Variants in EGLN2 observed in about 807,000 individuals in gnomAD.
The protein encoded by EGLN2 is egl-9 family hypoxia inducible factor 2.
A neutral mutation model predicts 38.2 loss-of-function variants in EGLN2; 15 were observed. The observed-to-expected ratio is 0.39, with a 90% confidence interval of 0.26 to 0.60. The LOEUF (loss-of-function observed/expected upper bound fraction) is 0.60. Ranked by LOEUF, EGLN2 falls within the 20% of genes least tolerant of loss-of-function variation. The pLI is 0.50. For missense variants in EGLN2, 492 were observed against 570.4 expected, an observed-to-expected ratio of 0.86 and a Z score of 1.40; for synonymous variants, 284 against 237.4, an observed-to-expected ratio of 1.20 and a Z score of -1.81.
intron 1 of EGLN2, chr19:40,800,006 ACTC>A (rs1206261726): frequency 1.7e-5 from 2 of 119,996 alleles, no homozygotes; most frequent in African/African-American, 3.3e-5. Context: ...CTCCTTTCCC[ACTC>A]CTCCACACCA....
chr19:40,806,199 C>T (rs2083299638), intron 2 of EGLN2: 1 of 247,784 alleles, frequency 4.0e-6, no homozygotes, highest in Admixed American at 4.6e-5. Flanking sequence ...TCCTTGCACA[C>T]CTGAAAATGT....
rs1344509842 is a variant in EGLN2, at chr19:40,806,646, A to G, written c.935A>G (p.Tyr312Cys). The G allele has an allele frequency of 3.1e-6, 5 of 1,613,702 alleles. No individual in the cohort carries two copies. The highest frequency in any genetic ancestry group is 4.2e-6 in the Non-Finnish European group (5 of 1,179,848). Residue 312 changes from tyrosine (Y) to cysteine (C), a missense_variant, in exon 3 of 6, where the codon TAT becomes TGT. Physicochemically the swap from Tyr to Cys is radical, Grantham distance 194. Transcript: ENST00000303961. ...HGDGRCITCI[Y>C]YLNQNWDVKV... ...GATGGGCGCTGCATCACCTGTATCTATTACCTGAATCAGAACTGGGACGTT... is the reference window on the plus strand; with the variant it reads ...GATGGGCGCTGCATCACCTGTATCTGTTACCTGAATCAGAACTGGGACGTT...
Position 40,800,927 on chromosome 19 carries a change from C to A in EGLN2, c.355C>A (p.Arg119=), listed in dbSNP as rs1014513026. 6.2e-7 allele frequency: 1 copy of A among 1,609,582 alleles called. No homozygotes were observed. Among genetic ancestry groups the A allele is most frequent in the African/African-American group, 1.3e-5 (1 of 74,894 alleles). ...GGGCGCACGGCCTGAGGCCCCCAAACGGAAATGGGCCGAGGATGGTGGGGA... is the reference window on the plus strand; with the variant it reads ...GGGCGCACGGCCTGAGGCCCCCAAAAGGAAATGGGCCGAGGATGGTGGGGA... ...AQGARPEAPK[R]KWAEDGGDAP... The change falls in exon 2 of 6, where the codon CGG becomes AGG. Residue 119 remains arginine, a synonymous_variant. Coordinates refer to ENST00000303961, the MANE Select transcript of EGLN2 (RefSeq NM_080732.4).
intron 2 of EGLN2, chr19:40,805,724 C>G (rs932979279): frequency 2.6e-5 from 4 of 152,228 alleles, no homozygotes; most frequent in African/African-American, 9.6e-5. Context: ...GAGGAAAGAA[C>G]CCTGTAGACA....
At position 40,801,376 on chromosome 19, in the gene EGLN2, A is replaced by C; in HGVS notation, c.804A>C (p.Ala268=). 6.2e-7 allele frequency: 1 copy of C among 1,609,552 alleles called. No individual in the cohort carries two copies. The highest frequency in any genetic ancestry group is 8.5e-7 in the Non-Finnish European group (1 of 1,179,614). The stretch of plus-strand genomic sequence containing the variant: ...TGGACGCCGTCATCCGCCACTGCGC[A>C]GGGCGGCTGGGCAGCTATGTCATCA... ...AHVDAVIRHC[A]GRLGSYVING... is the part of the protein sequence containing the mutation. The change falls in exon 2 of 6, where the codon GCA becomes GCC. Residue 268 remains alanine (A), a synonymous_variant. Transcript: ENST00000303961.
chr19:40,806,517 C>T (rs756915825), intron 2 of EGLN2, 38 bp from the exon 3 acceptor site: 36 of 1,612,468 alleles, frequency 2.2e-5, no homozygotes, highest in Non-Finnish European at 2.6e-5. Context: ...ATGTGCCTGC[C>T]TAGCCCCAGT....
intron 1 of EGLN2, 134 bp downstream of exon 1, chr19:40,799,396 C>T: frequency 8.9e-6 from 1 of 112,728 alleles, no homozygotes; most frequent in Non-Finnish European, 1.8e-5. Flanking sequence ...GATGTGGGTG[C>T]GGCGCGGGGG....
chr19:40,807,652 C>G (rs1225994235), intron 5 of EGLN2, 101 bp downstream of exon 5: 1 of 1,456,870 alleles, frequency 6.9e-7, no homozygotes, highest in South Asian at 1.2e-5. Flanking sequence ...TCCCACCACT[C>G]ATTTTTCTTC....
chr19:40,806,482 G>C, intron 2 of EGLN2, 73 bp from the exon 3 acceptor site: 1 of 1,594,624 alleles, frequency 6.3e-7, no homozygotes, highest in South Asian at 1.1e-5. Context: ...TGGGAAAATA[G>C]GTAATTCATG....
intron 2 of EGLN2, 160 bp from the exon 3 acceptor site, chr19:40,806,395 G>C: frequency 7.2e-7 from 1 of 1,390,046 alleles, no homozygotes; most frequent in Admixed American, 2.7e-5. Context: ...GATTTTGGCT[G>C]AAAAAGAAAG....
Position 40,800,275 on chromosome 19 carries a change from G to A in EGLN2, c.-234-64G>A, listed in dbSNP as rs140613917. 290 of 377,772 alleles carry A rather than the reference G, an allele frequency of 7.7e-4. 1 individual carries two copies. Among genetic ancestry groups the A allele is most frequent in the African/African-American group, 5.5e-3 (272 of 49,542 alleles). The allele number at this position is 377,772 out of a possible 1,614,324, so 23.4% of individuals were successfully genotyped here. On this transcript the variant is annotated intron_variant, in intron 1 of 5. Coordinates refer to ENST00000303961, the MANE Select transcript of EGLN2 (RefSeq NM_080732.4). The stretch of plus-strand genomic sequence containing the variant: ...TCCCCACTCCTGCCCATACCATCCC[G>A]GCTTTCCCCTGCCTGCCTGTCTCTA...
rs2083245254 is a variant in EGLN2, at chr19:40,800,343, C to T, written c.-230C>T. 1.8e-6 allele frequency: 1 copy of T among 552,900 alleles called. No homozygotes were observed. The highest frequency in any genetic ancestry group is 3.1e-6 in the Non-Finnish European group (1 of 322,802). The allele number at this position is 552,900 out of a possible 1,614,324, so 34.2% of individuals were successfully genotyped here. Reference sequence around the variant, plus strand: ...TTTTTTTTTTCCTTTCTCTAGCCACCCTGAAGGGTCCCTTCCCAAGCCCTT... The same window carrying T: ...TTTTTTTTTTCCTTTCTCTAGCCACTCTGAAGGGTCCCTTCCCAAGCCCTT... On this transcript the variant is annotated 5_prime_UTR_variant, in exon 2 of 6. Transcript: ENST00000303961.
intron 3 of EGLN2, 154 bp downstream of exon 3, chr19:40,806,828 C>A (rs983352749): frequency 8.8e-7 from 1 of 1,132,042 alleles, no homozygotes. Context: ...GCCGGCTCTT[C>A]CTGGGAAATG....
At chr19:40,801,651 CTTTTTTTTTT>C (rs58809253) in intron 2 of EGLN2, among the ~76,000 whole-genome samples, 8 of 102,716 alleles carry the variant, frequency 7.8e-5, no homozygotes, top group East Asian at 6.4e-4. Flanking sequence ...CACAGTGGTT[CTTTTTTTTTT>C]TTTTTTTTTT....
intron 4 of EGLN2, 44 bp downstream of exon 4, chr19:40,807,318 T>C (rs780189530): frequency 2.5e-6 from 4 of 1,613,170 alleles, no homozygotes; most frequent in Middle Eastern, 3.3e-4. Flanking sequence ...GCTCCCCCTG[T>C]GACAATGTCC....
rs1357003498 is a variant in EGLN2, at chr19:40,801,367, C to T, written c.795C>T (p.Arg265=). 1.2e-6 allele frequency: 2 copies of T among 1,610,806 alleles called. No individual in the cohort carries two copies. Among genetic ancestry groups the T allele is most frequent in the Non-Finnish European group, 8.5e-7 (1 of 1,179,986 alleles). ...ALMAHVDAVI[R]HCAGRLGSYV... Reference sequence around the variant, plus strand: ...TGGCCCATGTGGACGCCGTCATCCGCCACTGCGCAGGGCGGCTGGGCAGCT... The same window carrying T: ...TGGCCCATGTGGACGCCGTCATCCGTCACTGCGCAGGGCGGCTGGGCAGCT... The change falls in exon 2 of 6, where the codon CGC becomes CGT. Residue 265 remains arginine, a synonymous_variant. Coordinates refer to ENST00000303961, the MANE Select transcript of EGLN2 (RefSeq NM_080732.4).
In EGLN2 at chr19:40,807,657, T is replaced by G. The variant is rs1292153720; in HGVS notation, c.1168+106T>G. 4 of 1,461,566 alleles carry G rather than the reference T, an allele frequency of 2.7e-6. No homozygotes were observed. The African/African-American group carries it at 5.6e-5, about 20-fold the overall frequency. 90.5% of individuals were successfully genotyped at this position (1,461,566 alleles called of 1,614,324 possible). Reference sequence around the variant, plus strand: ...TCTTGTTAAATCCCACCACTCATTTTTCTTCATCTCTGCCCACCTTCCTTA... The same window carrying G: ...TCTTGTTAAATCCCACCACTCATTTGTCTTCATCTCTGCCCACCTTCCTTA... On this transcript the variant is annotated intron_variant, in intron 5 of 5. Coordinates refer to ENST00000303961, the MANE Select transcript of EGLN2 (RefSeq NM_080732.4).
intron 1 of EGLN2, 38 bp from the exon 2 acceptor site, chr19:40,800,301 G>GT: frequency 2.3e-6 from 1 of 429,976 alleles, no homozygotes; most frequent in Middle Eastern, 6.4e-4. Flanking sequence ...CCTGTCTCTA[G>GT]TTTCTCTCAC....
rs748611551 is a variant in EGLN2 at position 40,801,155 on chromosome 19, G to T, written c.583G>T (p.Asp195Tyr). 1 of 1,612,846 alleles carries T rather than the reference G, an allele frequency of 6.2e-7. No homozygotes were observed. Among genetic ancestry groups the T allele is most frequent in the Non-Finnish European group, 8.5e-7 (1 of 1,179,948 alleles). ...CMRYYGICVK[D>Y]SFLGAALGGR... ...GCGGTACTACGGCATCTGCGTCAAG[G>T]ACAGCTTCCTGGGGGCAGCACTGGG... Residue 195 changes from aspartate to tyrosine, a missense_variant, in exon 2 of 6, where the codon GAC becomes TAC. Physicochemically the swap from Asp to Tyr is radical, Grantham distance 160 (BLOSUM62 -3). Coordinates refer to ENST00000303961, the MANE Select transcript of EGLN2 (RefSeq NM_080732.4).
Sources: allele counts gnomAD v4.1 joint callset (sites outside exome capture counted in the v4.1 genomes callset), GRCh38; gene constraint gnomAD v4.1.1; transcripts MANE v1.5; gene names NCBI Gene and HGNC (gene_info 2026-07-23, HGNC 2026-07-21).